Variants in CHURC1 observed in about 807,000 individuals in gnomAD.
CHURC1 encodes protein Churchill.
A neutral mutation model predicts 15.4 loss-of-function variants in CHURC1; 12 were observed. The ratio of observed to expected loss-of-function variants is 0.78; its 90% confidence interval spans 0.50 to 1.27. CHURC1 has a LOEUF of 1.27. CHURC1 is among the 50% of genes most tolerant of loss of function. The pLI, the probability that CHURC1 is intolerant of heterozygous loss-of-function variation, is 0.00. For synonymous variants in CHURC1, 42 were observed against 47.5 expected (o/e 0.88, Z 0.48); for missense variants, 132 against 137.8 (o/e 0.96, Z 0.21).
At position 64,933,839 on chromosome 14, in the gene CHURC1, T is replaced by G; in HGVS notation, c.*1609T>G. On this transcript the variant is annotated 3_prime_UTR_variant, in exon 4 of 4. Transcript: ENST00000549115. ...TTGAATAACAGTAATGATGATAATATCTGAGCTTTATTAAGTACTTACTAC... is the reference window on the plus strand; with the variant it reads ...TTGAATAACAGTAATGATGATAATAGCTGAGCTTTATTAAGTACTTACTAC... 1 of 985,218 alleles carries G rather than the reference T, an allele frequency of 1.0e-6. No individual in the cohort carries two copies. The highest frequency in any genetic ancestry group is 1.2e-6 in the Non-Finnish European group (1 of 829,712). The allele number at this position is 985,218 out of a possible 1,614,324, so 61.0% of individuals were successfully genotyped here. A position where few individuals can be genotyped will look rare whatever the true frequency, so the allele number is the denominator to read the frequency against.
chr14:64,917,725 A>G (rs1482744577), intron 1 of CHURC1, among the ~76,000 whole-genome samples: 1 of 151,602 alleles, frequency 6.6e-6, no homozygotes, highest in Non-Finnish European at 1.5e-5. Flanking sequence ...ACCCTGTTGA[A>G]AAAAAAAAGA....
Position 64,932,323 on chromosome 14 carries a change from C to T in CHURC1, c.*93C>T, listed in dbSNP as rs973202258. On this transcript the variant is annotated 3_prime_UTR_variant, in exon 4 of 4. Transcript: ENST00000549115. ...TCTTATTTCATTCATACTGAAAATT[C>T]TTTGCATATTTTTTTTCTGCTTAGA... 7.2e-5 allele frequency: 111 copies of T among 1,531,950 alleles called. No homozygotes were observed. Among genetic ancestry groups the T allele is most frequent in the Non-Finnish European group, 9.0e-5 (102 of 1,136,958 alleles). The allele number at this position is 1,531,950 out of a possible 1,614,324, so 94.9% of individuals were successfully genotyped here.
At chr14:64,917,226 G>A (rs1406151939) in intron 1 of CHURC1, among the ~76,000 whole-genome samples, 4 of 152,138 alleles carry the variant, frequency 2.6e-5, no homozygotes, top group Non-Finnish European at 5.9e-5. Flanking sequence ...GAGCCCAGGA[G>A]TTTGAGACCA....
chr14:64,927,214 T>C (rs1884771487), intron 3 of CHURC1, among the ~76,000 whole-genome samples: 1 of 152,232 alleles, frequency 6.6e-6, no homozygotes, highest in South Asian at 2.1e-4. Context: ...TGGTCTGATA[T>C]GTTGTGGTTA....
intron 2 of CHURC1, chr14:64,924,363 T>G (rs943494324): frequency 6.0e-6 from 2 of 331,718 alleles, no homozygotes; most frequent in Non-Finnish European, 1.0e-5. Flanking sequence ...GAATTTTTTT[T>G]GTTTATCAAA....
intron 3 of CHURC1, among the ~76,000 whole-genome samples, chr14:64,928,171 C>CA (rs1348325402): frequency 7.2e-5 from 11 of 152,156 alleles, no homozygotes; most frequent in Admixed American, 5.2e-4. Flanking sequence ...TCAGGAATCT[C>CA]ATGTTATCGT....
intron 1 of CHURC1, among the ~76,000 whole-genome samples, chr14:64,917,515 A>G (rs765904674): frequency 1.3e-5 from 2 of 152,004 alleles, no homozygotes; most frequent in Non-Finnish European, 2.9e-5. Flanking sequence ...GTGAGCCGAG[A>G]TCACACCACT....
intron 1 of CHURC1, among the ~76,000 whole-genome samples, chr14:64,916,426 TTA>T (rs1883884861): frequency 6.6e-6 from 1 of 152,230 alleles, no homozygotes; most frequent in Non-Finnish European, 1.5e-5. Context: ...TTCGCTACAT[TTA>T]TGTTTCATGT....
rs535172582 is a variant in CHURC1, at chr14:64,919,709, CCT to C, written c.40-4281_40-4280del. 4.5e-4 allele frequency among the ~76,000 whole-genome samples: 68 copies of C among 151,906 alleles called. 1 individual carries two copies. In the East Asian group the frequency reaches 0.013, roughly 28 times the overall value. On this transcript the variant is annotated intron_variant, in intron 1 of 3. Transcript: ENST00000549115. ...ACCAGCCTGGCCAACATGGTGAAAC[CCT>C]GTTTCTACCAAACAATGCAAAAATT...
In CHURC1 at chr14:64,933,293, G is replaced by A. The variant is rs1297028135; in HGVS notation, c.*1063G>A. ...TATCCTACATGGAATTATATACCAC[G>A]AAAAGAAAAAAAGGTCATTTGGTAG... On this transcript the variant is annotated 3_prime_UTR_variant, in exon 4 of 4. Coordinates refer to ENST00000549115, the MANE Select transcript of CHURC1 (RefSeq NM_001386928.1). 11 of 853,962 alleles carry A rather than the reference G, an allele frequency of 1.3e-5. No individual in the cohort carries two copies. The highest frequency in any genetic ancestry group is 1.2e-4 in the East Asian group (1 of 8,156). 52.9% of individuals were successfully genotyped at this position (853,962 alleles called of 1,614,324 possible). A position where few individuals can be genotyped will look rare whatever the true frequency, so the allele number is the denominator to read the frequency against.
chr14:64,919,966 A>G (rs1423320708), intron 1 of CHURC1, among the ~76,000 whole-genome samples: 1 of 151,904 alleles, frequency 6.6e-6, no homozygotes, highest in African/African-American at 2.4e-5. Flanking sequence ...AATAATAAGG[A>G]TCAGAGTAGA....
intron 1 of CHURC1, among the ~76,000 whole-genome samples, chr14:64,915,606 C>T (rs1047723987): frequency 1.3e-5 from 2 of 152,128 alleles, no homozygotes; most frequent in East Asian, 3.9e-4. Context: ...TCTGTAGTTC[C>T]TTATGTCTTA....
Position 64,926,042 on chromosome 14 carries a change from A to G in CHURC1, c.208A>G (p.Arg70Gly). 11 of 1,603,252 alleles carry G rather than the reference A, an allele frequency of 6.9e-6. No individual in the cohort carries two copies. Among genetic ancestry groups the G allele is most frequent in the Non-Finnish European group, 9.4e-6 (11 of 1,175,450 alleles). Residue 70 changes from arginine to glycine, a missense_variant, in exon 3 of 4, where the codon AGA becomes GGA. Physicochemically the swap from Arg to Gly is moderately radical, Grantham distance 125. Transcript: ENST00000549115. ...TAAGAATTGTCATCATGTAATAGCC[A>G]GACATGAGTATACATTCAGTATCAT... ...LCKNCHHVIA[R>G]HEYTFSIMDE...
rs772308491 is a variant in CHURC1 at position 64,932,186 on chromosome 14, A to G, written c.295A>G (p.Ser99Gly). 113 of 1,613,952 alleles carry G rather than the reference A, an allele frequency of 7.0e-5. No individual in the cohort carries two copies. The highest frequency in any genetic ancestry group is 9.2e-5 in the Non-Finnish European group (109 of 1,179,946). Residue 99 changes from serine (S) to glycine (G), a missense_variant, in exon 4 of 4, where the codon AGT becomes GGT. Ser to Gly is a moderately conservative substitution (Grantham distance 56). Transcript: ENST00000549115. ...LLCGKAEDTI[S>G]ILPDDPRQMT... Reference sequence around the variant, plus strand: ...ATGCGGCAAAGCCGAAGATACTATCAGTATTCTCCCTGATGACCCCCGACA... The same window carrying G: ...ATGCGGCAAAGCCGAAGATACTATCGGTATTCTCCCTGATGACCCCCGACA...
At chr14:64,924,253 C>A in intron 2 of CHURC1, 127 bp downstream of exon 2, 1 of 1,137,878 alleles carries the variant, frequency 8.8e-7, no homozygotes, top group Non-Finnish European at 1.1e-6. Flanking sequence ...CTAGTTAGGT[C>A]TTTAAGAGGA....
At chr14:64,927,118 C>G (rs940275726) in intron 3 of CHURC1, among the ~76,000 whole-genome samples, 1 of 152,172 alleles carries the variant, frequency 6.6e-6, no homozygotes, top group African/African-American at 2.4e-5. Flanking sequence ...TAATAATAAT[C>G]TTCCATAGCA....
chr14:64,926,403 T>C (rs1014548546), intron 3 of CHURC1, among the ~76,000 whole-genome samples: 3 of 152,162 alleles, frequency 2.0e-5, no homozygotes, highest in African/African-American at 7.2e-5. Context: ...TGGGTGGATT[T>C]GTGTAAACCT....
At chr14:64,928,136 C>T (rs1293371171) in intron 3 of CHURC1, among the ~76,000 whole-genome samples, 1 of 152,200 alleles carries the variant, frequency 6.6e-6, no homozygotes, top group South Asian at 2.1e-4. Flanking sequence ...TTACCCCTCT[C>T]TAATGCTACC....
intron 3 of CHURC1, among the ~76,000 whole-genome samples, chr14:64,931,470 G>C (rs1404543804): frequency 2.6e-5 from 4 of 152,002 alleles, no homozygotes; most frequent in African/African-American, 9.7e-5. Context: ...GGAGGTCAAG[G>C]CTGCAGTGAA....
Sources: allele counts gnomAD v4.1 joint callset (sites outside exome capture counted in the v4.1 genomes callset), GRCh38; gene constraint gnomAD v4.1.1; transcripts MANE v1.5; gene names NCBI Gene and HGNC (gene_info 2026-07-23, HGNC 2026-07-21).